CD47: variants seen among roughly 807,000 people sequenced by gnomAD.
CD47 encodes the protein leukocyte surface antigen CD47.
Under a neutral mutation model 44.6 loss-of-function variants are expected in CD47, and 11 were observed. That is an observed-to-expected ratio of 0.25 (90% CI 0.16 to 0.41). The LOEUF is 0.41. CD47 is among the 10% of genes least tolerant of loss of function. The probability of loss-of-function intolerance (pLI) is 1.00; values close to 1 mark genes in which losing one functional copy is unlikely to be tolerated. For synonymous variants in CD47, 140 were observed against 136.3 expected, an observed-to-expected ratio of 1.03 and a Z score of -0.19; for missense variants, 306 against 386.7, an observed-to-expected ratio of 0.79 and a Z score of 1.75.
Position 108,080,313 on chromosome 3 carries a change from T to A in CD47, c.78A>T (p.Lys26Asn). 6.2e-7 allele frequency: 1 copy of A among 1,607,510 alleles called. No homozygotes were observed. The change falls in exon 2 of 11, where the codon AAA becomes AAT. Residue 26 changes from lysine to asparagine, a missense_variant. Transcript: ENST00000361309. ...GSAQLLFNKT[K>N]SVEFTFCNDT... ...CATTACAAAACGTGAATTCTACAGA[T>A]TTTGTTTTATTAAATAGTAGCTGAG...
At chr3:108,085,034 T>A (rs952330212) in intron 1 of CD47, among the ~76,000 whole-genome samples, 1 of 152,098 alleles carries the variant, frequency 6.6e-6, no homozygotes, top group African/African-American at 2.4e-5. Context: ...CTTTTCAGGC[T>A]AAATTCTAAG....
intron 7 of CD47, chr3:108,053,598 C>A (rs2078865503): frequency 6.6e-6 from 1 of 152,326 alleles, no homozygotes; most frequent in Non-Finnish European, 1.5e-5. Context: ...TCACCTTACT[C>A]TTGCTGCTGA....
intron 1 of CD47, among the ~76,000 whole-genome samples, chr3:108,089,705 G>A (rs1452933463): frequency 6.6e-6 from 1 of 152,152 alleles, no homozygotes; most frequent in Non-Finnish European, 1.5e-5. Context: ...AAAGTGGTAA[G>A]CAGAGACTTA....
At chr3:108,083,968 A>G (rs1166706137) in intron 1 of CD47, among the ~76,000 whole-genome samples, 1 of 149,682 alleles carries the variant, frequency 6.7e-6, no homozygotes, top group Non-Finnish European at 1.5e-5. Flanking sequence ...TTCTGCCTCC[A>G]TACCCATCAG....
chr3:108,058,376 A>G lies in CD47; in HGVS notation c.745T>C (p.Tyr249His). 1 of 1,567,280 alleles carries G rather than the reference A, an allele frequency of 6.4e-7. No homozygotes were observed. Among genetic ancestry groups the G allele is most frequent in the Non-Finnish European group, 8.7e-7 (1 of 1,154,116 alleles). Reference protein sequence around the residue: ...IAILVIQVIAYILAVVGLSLC... With the variant: ...IAILVIQVIAHILAVVGLSLC... ...CTCAGTCCAACCACAGCGAGGATAT[A>G]GGCTATCACCTGAATAACCAATATG... Residue 249 changes from tyrosine to histidine, a missense_variant, in exon 6 of 11, where the codon TAT becomes CAT. Around this residue, in one of 5 missense-constraint regions of CD47, gnomAD observed 131 missense variants for 135.3 expected, o/e 0.97. Transcript: ENST00000361309.
intron 2 of CD47, among the ~76,000 whole-genome samples, chr3:108,077,727 GA>G (rs568001269): frequency 1.3e-5 from 2 of 151,952 alleles, no homozygotes; most frequent in Non-Finnish European, 1.5e-5. Context: ...AAAAAGTAAG[GA>G]AAAAAGAACT....
At chr3:108,069,437 A>G (rs2079158207) in intron 3 of CD47, among the ~76,000 whole-genome samples, 1 of 152,092 alleles carries the variant, frequency 6.6e-6, no homozygotes, top group Non-Finnish European at 1.5e-5. Flanking sequence ...TGAATAGAAA[A>G]AGACAGAAAG....
Position 108,090,934 on chromosome 3 carries a change from C to A in CD47, c.-26G>T. On this transcript the variant is annotated 5_prime_UTR_variant, in exon 1 of 11. Transcript: ENST00000361309. ...CTCCGCGCCCGCCGCGGGGTCGCCG[C>A]CGCCGCCGCAGGTGTCCGGAGCAGC... 6.9e-7 allele frequency: 1 copy of A among 1,458,810 alleles called. No homozygotes were observed. 90.4% of individuals were successfully genotyped at this position (1,458,810 alleles called of 1,614,324 possible).
rs2078656908 is a variant in CD47 at position 108,043,172 on chromosome 3, A to T, written c.*4116T>A. 1 of 152,640 alleles carries T rather than the reference A, an allele frequency of 6.6e-6. No individual in the cohort carries two copies. The highest frequency in any genetic ancestry group is 2.4e-5 in the African/African-American group (1 of 41,458). The allele number at this position is 152,640 out of a possible 1,614,324, so 9.5% of individuals were successfully genotyped here. ...TATTATACTCAAAAAATTCATAATT[A>T]ATATTTTAAATCATTCTTTACATTG... is the stretch of plus-strand genomic sequence containing the variant. On this transcript the variant is annotated 3_prime_UTR_variant, in exon 11 of 11. Coordinates refer to ENST00000361309, the MANE Select transcript of CD47 (RefSeq NM_001777.4).
At position 108,059,480 on chromosome 3, in the gene CD47, T is replaced by C. The variant is rs778133198; in HGVS notation, c.663A>G (p.Ile221Met). 3.9e-6 allele frequency: 6 copies of C among 1,519,436 alleles called. No homozygotes were observed. The highest frequency in any genetic ancestry group is 4.5e-6 in the Non-Finnish European group (5 of 1,122,602). 94.1% of individuals were successfully genotyped at this position (1,519,436 alleles called of 1,614,324 possible). A position where few individuals can be genotyped will look rare whatever the true frequency, so the allele number is the denominator to read the frequency against. The change falls in exon 5 of 11, where the codon ATA (isoleucine) becomes ATG (methionine). Residue 221 changes from isoleucine to methionine, a missense_variant. Around this residue, in one of 5 missense-constraint regions of CD47, gnomAD observed 131 missense variants for 135.3 expected, o/e 0.97. Coordinates refer to ENST00000361309, the MANE Select transcript of CD47 (RefSeq NM_001777.4). ...GLIVTSTGIL[I>M]LLHYYVFSTA... ...TACTAAACACATAGTAGTGAAGTAA[T>C]ATTAATATCCCTGTAGAAGTCACAA...
At chr3:108,054,166 T>A (rs964928850) in intron 7 of CD47, 2 of 152,250 alleles carry the variant, frequency 1.3e-5, no homozygotes, top group Non-Finnish European at 2.9e-5. Flanking sequence ...GAGCATTGCT[T>A]GAGCCCAGGA....
chr3:108,086,031 A>G (rs908778719), intron 1 of CD47, among the ~76,000 whole-genome samples: 7 of 152,126 alleles, frequency 4.6e-5, no homozygotes, highest in African/African-American at 1.7e-4. Context: ...GTCTTAAAGG[A>G]TGAGTAAGAA....
At position 108,065,781 on chromosome 3, in the gene CD47, C is replaced by T. The variant is rs531562378; in HGVS notation, c.491-4929G>A. Among the ~76,000 whole-genome samples the T allele has an allele frequency of 9.0e-5, 12 of 133,342 alleles. No homozygotes were observed. In the South Asian group the frequency reaches 2.4e-3, roughly 26 times the overall value. The allele number at this position is 133,342 out of a possible 152,430, so 87.5% of individuals were successfully genotyped here. A position where few individuals can be genotyped will look rare whatever the true frequency, so the allele number is the denominator to read the frequency against. On this transcript the variant is annotated intron_variant, in intron 3 of 10. Transcript: ENST00000361309. Reference sequence around the variant, plus strand: ...GAGCCGAGATCACGCCACTGCACTCCAGCCTGGGCAACAGAGCGAGACTCC... The same window carrying T: ...GAGCCGAGATCACGCCACTGCACTCTAGCCTGGGCAACAGAGCGAGACTCC...
chr3:108,060,462 C>G (rs375044577), intron 4 of CD47, among the ~76,000 whole-genome samples: 1 of 152,060 alleles, frequency 6.6e-6, no homozygotes, highest in Non-Finnish European at 1.5e-5. Context: ...GTTATGCTGC[C>G]GCAAACTAAG....
rs376699195 is a variant in CD47 at position 108,047,266 on chromosome 3, G to T, written c.*22C>A. ...TTCACGTCTTACTACTCTCCAAATC[G>T]GAGTCCATCACTTCACTTCAGTTAT... On this transcript the variant is annotated 3_prime_UTR_variant, in exon 11 of 11. Coordinates refer to ENST00000361309, the MANE Select transcript of CD47 (RefSeq NM_001777.4). 43 of 1,597,844 alleles carry T rather than the reference G, an allele frequency of 2.7e-5. No homozygotes were observed. The African/African-American group carries it at 5.6e-4, about 21-fold the overall frequency.
intron 2 of CD47, among the ~76,000 whole-genome samples, chr3:108,079,643 T>A (rs1164045129): frequency 1.4e-5 from 2 of 138,156 alleles, no homozygotes; most frequent in Non-Finnish European, 3.1e-5. Flanking sequence ...TGAAAATTAG[T>A]CACAGGAAAG....
chr3:108,051,467 A>G (rs1048231411), intron 8 of CD47, among the ~76,000 whole-genome samples: 1 of 152,246 alleles, frequency 6.6e-6, no homozygotes, highest in African/African-American at 2.4e-5. Context: ...TTTGTATGGG[A>G]GAGGATCGAA....
intron 7 of CD47, 34 bp downstream of exon 7, chr3:108,057,443 T>C (rs756690069): frequency 9.4e-6 from 9 of 958,664 alleles, no homozygotes; most frequent in South Asian, 2.7e-5. Flanking sequence ...TCTGAAATTA[T>C]TGGCATAGGT....
chr3:108,075,892 C>G (rs2079302065), intron 2 of CD47, among the ~76,000 whole-genome samples: 1 of 152,190 alleles, frequency 6.6e-6, no homozygotes, highest in African/African-American at 2.4e-5. Flanking sequence ...GGAAGATTCT[C>G]CTTTGCTGGC....
Sources: allele counts gnomAD v4.1 joint callset (sites outside exome capture counted in the v4.1 genomes callset), GRCh38; gene constraint gnomAD v4.1.1; regional missense constraint gnomAD v4.1.1; transcripts MANE v1.5; gene names NCBI Gene and HGNC (gene_info 2026-07-23, HGNC 2026-07-21).